Variants in SETD2 observed in about 807,000 individuals in gnomAD.
The protein encoded by SETD2 is histone-lysine N-methyltransferase SETD2.
In SETD2, 31 loss-of-function variants were observed where a neutral mutation model predicts 242.1. That is an observed-to-expected ratio of 0.13 (90% confidence interval 0.10 to 0.17). The LOEUF is 0.17. Among genes scored for constraint, SETD2 ranks in the 10% least tolerant of loss-of-function variants. The pLI is 1.00. For missense variants in SETD2, 2,481 were observed against 3,046.3 expected (o/e 0.81, Z 4.37); for synonymous variants, 1,006 against 1,066.5 (o/e 0.94, Z 1.11).
rs1321032582 is a variant in SETD2 at position 47,017,588 on chromosome 3, C to T, written c.7533+50G>A. 3 of 1,278,784 alleles carry T rather than the reference C, an allele frequency of 2.3e-6. No individual in the cohort carries two copies. In the South Asian group the frequency reaches 3.6e-5, roughly 15 times the overall value. 79.2% of individuals were successfully genotyped at this position (1,278,784 alleles called of 1,614,324 possible). A position where few individuals can be genotyped will look rare whatever the true frequency, so the allele number is the denominator to read the frequency against. On this transcript the variant is annotated intron_variant, in intron 20 of 20. Coordinates refer to ENST00000409792, the MANE Select transcript of SETD2 (RefSeq NM_014159.7). The surrounding 1 kb of genome is among the most constrained non-coding windows in gnomAD (Gnocchi z 4.8). ...TGAAAAGGGCTTCTTAGAAGGTACACAGTTTGCCCAGAACATTGCCTGGTG... is the reference window on the plus strand; with the variant it reads ...TGAAAAGGGCTTCTTAGAAGGTACATAGTTTGCCCAGAACATTGCCTGGTG...
At position 47,121,606 on chromosome 3, in the gene SETD2, T is replaced by G. The variant is rs1171936694; in HGVS notation, c.3030A>C (p.Glu1010Asp). ...FSSCDLNLTMEDSDGVTYALK... is the reference protein window; with the variant it reads ...FSSCDLNLTMDDSDGVTYALK... ...ATGCATAAGTTACACCATCACTGTC[T>G]TCCATGGTTAAATTCAAATCACAAG... The change falls in exon 3 of 21, where the codon GAA becomes GAC. Residue 1010 changes from glutamate to aspartate, a missense_variant. This residue lies in a region of SETD2 where 1,300 missense variants were observed against 1,259.2 expected (regional missense o/e 1.03). Coordinates refer to ENST00000409792, the MANE Select transcript of SETD2 (RefSeq NM_014159.7). 1.2e-6 allele frequency: 2 copies of G among 1,614,176 alleles called. No homozygotes were observed. The highest frequency in any genetic ancestry group is 1.6e-4 in the Middle Eastern group (1 of 6,062).
chr3:47,125,586 G>A (rs1360918022), intron 2 of SETD2, among the ~76,000 whole-genome samples: 6 of 152,314 alleles, frequency 3.9e-5, no homozygotes, highest in East Asian at 3.9e-4. Flanking sequence ...GTAACCAAAT[G>A]AGGACCAGGC....
chr3:47,066,162 TTC>T (rs749920005), intron 13 of SETD2, among the ~76,000 whole-genome samples: 1 of 152,222 alleles, frequency 6.6e-6, no homozygotes, highest in East Asian at 1.9e-4. Context: ...TAAATATATT[TTC>T]TCTTATGATT....
chr3:47,030,370 A>G (rs1241268536), intron 18 of SETD2, among the ~76,000 whole-genome samples: 1 of 152,320 alleles, frequency 6.6e-6, no homozygotes, highest in East Asian at 1.9e-4. Context: ...AGAGGCCAAC[A>G]GAAACCACGC....
At chr3:47,109,392 T>C (rs2042564123) in intron 5 of SETD2, among the ~76,000 whole-genome samples, 1 of 152,154 alleles carries the variant, frequency 6.6e-6, no homozygotes, top group African/African-American at 2.4e-5. Context: ...ACGCCTGTAA[T>C]ACCAGAACTT....
intron 15 of SETD2, among the ~76,000 whole-genome samples, chr3:47,047,433 G>A (rs2039581186): frequency 6.6e-6 from 1 of 152,176 alleles, no homozygotes; most frequent in South Asian, 2.1e-4. Flanking sequence ...GTCCTAAGAG[G>A]TGGTGACTGT....
At chr3:47,153,848 T>G (rs1276598743) in intron 1 of SETD2, among the ~76,000 whole-genome samples, 2 of 151,786 alleles carry the variant, frequency 1.3e-5, no homozygotes, top group South Asian at 2.1e-4. Flanking sequence ...GGAATAAAAA[T>G]TATCTGCTTA....
chr3:47,049,703 ATATAT>A (rs1375192860), intron 15 of SETD2, among the ~76,000 whole-genome samples: 1 of 147,072 alleles, frequency 6.8e-6, no homozygotes, highest in African/African-American at 2.5e-5. Context: ...AGTTTATATT[ATATAT>A]TAAATATATA....
At chr3:47,048,048 G>C (rs2039609068) in intron 15 of SETD2, among the ~76,000 whole-genome samples, 1 of 152,118 alleles carries the variant, frequency 6.6e-6, no homozygotes, top group South Asian at 2.1e-4. Context: ...TAACTTAACA[G>C]TATCTGTGTA....
intron 18 of SETD2, among the ~76,000 whole-genome samples, chr3:47,036,447 T>C (rs1311228536): frequency 1.3e-5 from 2 of 151,810 alleles, no homozygotes; most frequent in Non-Finnish European, 2.9e-5. Flanking sequence ...CCCAGCTACT[T>C]GGGTGGTTGA....
chr3:47,155,036 G>C (rs2106836917), intron 1 of SETD2, among the ~76,000 whole-genome samples: 1 of 151,804 alleles, frequency 6.6e-6, no homozygotes, highest in South Asian at 2.1e-4. Context: ...CCCTGTTATT[G>C]TTTTTAAAAT....
intron 9 of SETD2, among the ~76,000 whole-genome samples, chr3:47,095,755 GA>G (rs781672779): frequency 5.8e-4 from 72 of 125,210 alleles, no homozygotes; most frequent in East Asian, 6.8e-4. Flanking sequence ...GTTACATGAT[GA>G]AAAAAAAAAA....
In SETD2 at chr3:47,120,674, T is replaced by A; in HGVS notation, c.3962A>T (p.Asp1321Val). 1 of 1,614,152 alleles carries A rather than the reference T, an allele frequency of 6.2e-7. No individual in the cohort carries two copies. Among genetic ancestry groups the A allele is most frequent in the Non-Finnish European group, 8.5e-7 (1 of 1,180,028 alleles). ...ATCTGGTACTTGTCCTTGAGTTCGA[T>A]CATACACAACCCCAGTTCCAGGAGG... Reference protein sequence around the residue: ...GRPPGTGVVYDRTQGQVPDSL... With the variant: ...GRPPGTGVVYVRTQGQVPDSL... The change falls in exon 3 of 21, where the codon GAT (aspartate) becomes GTT (valine). Residue 1321 changes from aspartate (D) to valine (V), a missense_variant. Around this residue, in one of 17 missense-constraint regions of SETD2, gnomAD observed 1,300 missense variants for 1,259.2 expected, o/e 1.03. Coordinates refer to ENST00000409792, the MANE Select transcript of SETD2 (RefSeq NM_014159.7).
intron 14 of SETD2, among the ~76,000 whole-genome samples, chr3:47,060,438 T>C (rs1269153195): frequency 6.6e-6 from 1 of 152,152 alleles, no homozygotes; most frequent in Non-Finnish European, 1.5e-5. Flanking sequence ...AGTGATTTGC[T>C]ACCAAGACCT....
At chr3:47,042,140 CT>C (rs2039308511) in intron 17 of SETD2, among the ~76,000 whole-genome samples, 1 of 152,126 alleles carries the variant, frequency 6.6e-6, no homozygotes, top group African/African-American at 2.4e-5. Context: ...GGCAGATCAC[CT>C]GAGGTCAGGA....
intron 19 of SETD2, among the ~76,000 whole-genome samples, chr3:47,018,040 T>G (rs895098321): frequency 6.6e-6 from 1 of 152,160 alleles, no homozygotes; most frequent in African/African-American, 2.4e-5. Flanking sequence ...CAGGTTTCAG[T>G]CAATGAATTT....
rs2043015119 is a variant in SETD2 at position 47,120,162 on chromosome 3, C to T, written c.4454+20G>A. Reference sequence around the variant, plus strand: ...AAAAAAAGAGTTAAAATTTGTCAAACAAGTATTAATTAGACTTACCTTTCT... The same window carrying T: ...AAAAAAAGAGTTAAAATTTGTCAAATAAGTATTAATTAGACTTACCTTTCT... On this transcript the variant is annotated intron_variant, in intron 3 of 20. Coordinates refer to ENST00000409792, the MANE Select transcript of SETD2 (RefSeq NM_014159.7). 4.7e-6 allele frequency: 7 copies of T among 1,484,154 alleles called. No individual in the cohort carries two copies. In the African/African-American group the frequency reaches 9.9e-5, roughly 21 times the overall value. 91.9% of individuals were successfully genotyped at this position (1,484,154 alleles called of 1,614,324 possible).
At chr3:47,060,016 C>T (rs766722633) in intron 14 of SETD2, among the ~76,000 whole-genome samples, 1 of 152,124 alleles carries the variant, frequency 6.6e-6, no homozygotes, top group East Asian at 1.9e-4. Flanking sequence ...AACTCCTGAC[C>T]TTAGGTGATC....
chr3:47,094,966 A>T (rs1352380177), intron 9 of SETD2, among the ~76,000 whole-genome samples: 1 of 152,202 alleles, frequency 6.6e-6, no homozygotes. Context: ...AGTTCTTCAG[A>T]GTTATCCTTA....
Sources: allele counts gnomAD v4.1 joint callset (sites outside exome capture counted in the v4.1 genomes callset), GRCh38; gene constraint gnomAD v4.1.1; regional missense constraint gnomAD v4.1.1; non-coding constraint Gnocchi (gnomAD v3.1); transcripts MANE v1.5; gene names NCBI Gene and HGNC (gene_info 2026-07-23, HGNC 2026-07-21).